PVT1: variants seen among roughly 807,000 people sequenced by gnomAD.
PVT1 encodes the protein CXCR4/PVT1 fusion.
intron 3 of PVT1, among the ~76,000 whole-genome samples, chr8:127,902,913 T>C (rs184423990): frequency 5.3e-4 from 80 of 152,230 alleles, no homozygotes; most frequent in Admixed American, 7.2e-4. Context: ...GCGTGTGTAC[T>C]TTTGGTAGAA....
chr8:128,100,438 C>CTGT (rs1457959078), intron 6 of PVT1, among the ~76,000 whole-genome samples: 1 of 152,092 alleles, frequency 6.6e-6, no homozygotes, highest in Non-Finnish European at 1.5e-5. Context: ...TCCACATGGA[C>CTGT]GGGAATGAGA....
intron 5 of PVT1, among the ~76,000 whole-genome samples, chr8:128,093,361 C>T (rs1036874699): frequency 4.6e-5 from 7 of 152,094 alleles, no homozygotes; most frequent in African/African-American, 1.7e-4. Flanking sequence ...AGTTCGAGAC[C>T]AGCCTGGCAA....
Position 128,066,607 on chromosome 8 carries a change from G to A in PVT1, n.913-3553G>A, listed in dbSNP as rs560223951. 2.0e-5 allele frequency among the ~76,000 whole-genome samples: 3 copies of A among 152,332 alleles called. No homozygotes were observed. The South Asian group carries it at 6.2e-4, about 32-fold the overall frequency. ...TAGGGGTTTTCTTGGCCCTGAATGG[G>A]AAACAACTCTGAGGTCCCAACTGGG... On this transcript the variant is annotated intron_variant and non_coding_transcript_variant, in intron 4 of 10. Coordinates refer to ENST00000651587, the Ensembl canonical transcript of PVT1.
intron 2 of PVT1, among the ~76,000 whole-genome samples, chr8:127,868,794 C>CGTAT (rs71300273): frequency 0.01 from 91 of 8,890 alleles, no homozygotes; most frequent in Non-Finnish European, 0.015. Flanking sequence ...TATATATATA[C>CGTAT]ATATATATGT....
chr8:128,054,205 C>A (rs1813737169), intron 4 of PVT1, among the ~76,000 whole-genome samples: 1 of 152,146 alleles, frequency 6.6e-6, no homozygotes, highest in Non-Finnish European at 1.5e-5. Context: ...TTTGGGGGTT[C>A]CCAAGTTTTT....
intron 3 of PVT1, among the ~76,000 whole-genome samples, chr8:127,963,234 C>T (rs1176164517): frequency 6.6e-6 from 1 of 152,246 alleles, no homozygotes; most frequent in Non-Finnish European, 1.5e-5. Context: ...ATCCCAGGTC[C>T]TAGGCTCGCA....
intron 5 of PVT1, among the ~76,000 whole-genome samples, chr8:128,091,749 G>T (rs34167917): frequency 0.55 from 83,129 of 152,056 alleles, 22,969 homozygotes; most frequent in Non-Finnish European, 0.59. Flanking sequence ...ACATTTATAA[G>T]ATGTAATAAA....
chr8:127,829,672 A>G (rs1368480973), intron 2 of PVT1, among the ~76,000 whole-genome samples: 1 of 152,178 alleles, frequency 6.6e-6, no homozygotes, highest in Admixed American at 6.6e-5. Flanking sequence ...TCTGACACTT[A>G]ATTTCCCATC....
intron 5 of PVT1, among the ~76,000 whole-genome samples, chr8:128,092,949 C>T (rs1009029313): frequency 6.6e-6 from 1 of 152,154 alleles, no homozygotes; most frequent in Non-Finnish European, 1.5e-5. Flanking sequence ...GCGCACGGTG[C>T]CCCCACCTCC....
intron 4 of PVT1, among the ~76,000 whole-genome samples, chr8:128,061,798 G>A (rs1452304009): frequency 6.6e-6 from 1 of 152,150 alleles, no homozygotes; most frequent in Admixed American, 6.5e-5. Flanking sequence ...TGTCTTGCTG[G>A]TTTGGTGCAT....
At chr8:127,909,567 T>C (rs532469392) in intron 3 of PVT1, among the ~76,000 whole-genome samples, 1 of 152,208 alleles carries the variant, frequency 6.6e-6, no homozygotes, top group East Asian at 1.9e-4. Flanking sequence ...GTTTGGCATA[T>C]GTGCGGAGCT....
Position 127,898,850 on chromosome 8 carries a change from G to A in PVT1, n.782+7852G>A, listed in dbSNP as rs903105064. On this transcript the variant is annotated intron_variant and non_coding_transcript_variant, in intron 3 of 10. Transcript: ENST00000651587. The surrounding 1 kb of genome is among the most constrained non-coding windows in gnomAD (Gnocchi z 4.4). ...GGGGGTCTTTCCCTCTCATCTGTCT[G>A]TCACCCTTTATCACTCCACAAGGGG... Among the ~76,000 whole-genome samples the A allele has an allele frequency of 6.6e-6, 1 of 152,150 alleles. No homozygotes were observed. The highest frequency in any genetic ancestry group is 1.5e-5 in the Non-Finnish European group (1 of 68,032).
At chr8:127,978,365 G>A (rs537913535) in intron 3 of PVT1, among the ~76,000 whole-genome samples, 2 of 152,034 alleles carry the variant, frequency 1.3e-5, no homozygotes, top group African/African-American at 2.4e-5. Flanking sequence ...TCACTATGTT[G>A]CCCAGGCTGA....
chr8:128,057,001 A>C (rs1384407498), intron 4 of PVT1, among the ~76,000 whole-genome samples: 1 of 152,146 alleles, frequency 6.6e-6, no homozygotes, highest in African/African-American at 2.4e-5. Flanking sequence ...GTTTTAGTTT[A>C]GTTTAGCTTC....
intron 3 of PVT1, among the ~76,000 whole-genome samples, chr8:127,923,458 A>C (rs550267384): frequency 6.6e-6 from 1 of 152,284 alleles, no homozygotes; most frequent in East Asian, 1.9e-4. Context: ...GAGGAGGACG[A>C]GGAGGATGAT....
At position 128,078,978 on chromosome 8, in the gene PVT1, GTTT is replaced by G. The variant is rs535605139; in HGVS notation, n.1114+8620_1114+8622del. Among the ~76,000 whole-genome samples the G allele has an allele frequency of 8.4e-3, 1,083 of 128,856 alleles. 18 individuals are homozygous for G. Among genetic ancestry groups the G allele is most frequent in the African/African-American group, 0.031 (1,051 of 34,134 alleles). The allele number at this position is 128,856 out of a possible 152,430, so 84.5% of individuals were successfully genotyped here. On this transcript the variant is annotated intron_variant and non_coding_transcript_variant, in intron 5 of 10. Transcript: ENST00000651587. Reference sequence around the variant, plus strand: ...AGTTAGGGTTTTTTTGTTTTGTTTTGTTTTTGGGTTTTTTCCTTTTCTTTTCTT... The same window carrying G: ...AGTTAGGGTTTTTTTGTTTTGTTTTGTTGGGTTTTTTCCTTTTCTTTTCTT...
intron 1 of PVT1, among the ~76,000 whole-genome samples, chr8:127,795,243 C>T (rs888642034): frequency 6.6e-6 from 1 of 152,154 alleles, no homozygotes; most frequent in Non-Finnish European, 1.5e-5. Context: ...GTTGGGTGCT[C>T]CTAAACCCTC....
intron 4 of PVT1, among the ~76,000 whole-genome samples, chr8:128,009,176 A>G (rs940286824): frequency 6.6e-6 from 1 of 152,230 alleles, no homozygotes; most frequent in Non-Finnish European, 1.5e-5. Flanking sequence ...AGGGTAAGGA[A>G]AAGAGGGGAA....
chr8:127,924,586 A>G (rs1816106179), intron 3 of PVT1, among the ~76,000 whole-genome samples: 1 of 142,430 alleles, frequency 7.0e-6, no homozygotes, highest in Non-Finnish European at 1.5e-5. Context: ...ATGTCGGCTC[A>G]CTGTAAGCTC....
Sources: allele counts gnomAD v4.1 joint callset (sites outside exome capture counted in the v4.1 genomes callset), GRCh38; gene constraint gnomAD v4.1.1; non-coding constraint Gnocchi (gnomAD v3.1); transcripts MANE v1.5; gene names NCBI Gene and HGNC (gene_info 2026-07-23, HGNC 2026-07-21).